The following HPSE2 variants were observed in gnomAD, a reference collection of about 807,000 sequenced individuals.
HPSE2 encodes the protein inactive heparanase-2.
Under a neutral mutation model 60.5 loss-of-function variants are expected in HPSE2, and 38 were observed. The observed-to-expected ratio is 0.63, with a 90% CI of 0.48 to 0.82. The LOEUF (loss-of-function observed/expected upper bound fraction) is 0.82, where lower values mean the gene tolerates loss of function less well. Among genes scored for constraint, HPSE2 ranks in the 40% least tolerant of loss-of-function variants. HPSE2 has a pLI of 0.00. For missense variants in HPSE2, 713 were observed against 740.4 expected (o/e 0.96, Z 0.43); for synonymous variants, 295 against 293.2 (o/e 1.01, Z -0.06).
At chr10:99,000,749 CA>C (rs1956760017) in intron 3 of HPSE2, among the ~76,000 whole-genome samples, 3 of 151,498 alleles carry the variant, frequency 2.0e-5, no homozygotes, top group Admixed American at 2.0e-4. Context: ...CAGTAGAAGA[CA>C]AAAAAGGGGG....
the HPSE2 span, among the ~76,000 whole-genome samples, chr10:99,288,104 AGT>A: frequency 3.3e-5 from 5 of 152,306 alleles, no homozygotes; most frequent in Non-Finnish European, 5.9e-5. Flanking sequence ...ACATGATGAG[AGT>A]GAGAGTGAAG....
chr10:98,945,484 G>T (rs1312599286), intron 3 of HPSE2, among the ~76,000 whole-genome samples: 2 of 152,004 alleles, frequency 1.3e-5, no homozygotes, highest in South Asian at 2.1e-4. Flanking sequence ...CAATAAAGAG[G>T]AAATGCAGTA....
At chr10:99,001,536 C>G (rs1368369462) in intron 3 of HPSE2, among the ~76,000 whole-genome samples, 1 of 152,002 alleles carries the variant, frequency 6.6e-6, no homozygotes, top group Admixed American at 6.6e-5. Context: ...TTACTTTAGT[C>G]CAGGTTAGTA....
chr10:98,509,713 G>C (rs770362430), intron 9 of HPSE2, among the ~76,000 whole-genome samples: 118 of 152,028 alleles, frequency 7.8e-4, no homozygotes, highest in Non-Finnish European at 1.2e-3. Context: ...TCTTGGCCAG[G>C]CTGGTCTCGA....
chr10:99,145,872 C>G (rs1846035062), intron 2 of HPSE2, among the ~76,000 whole-genome samples: 1 of 152,126 alleles, frequency 6.6e-6, no homozygotes, highest in Non-Finnish European at 1.5e-5. Context: ...AATACAAACC[C>G]ATGACTATGA....
intron 10 of HPSE2, among the ~76,000 whole-genome samples, chr10:98,483,012 G>T (rs1315809572): frequency 5.3e-5 from 8 of 152,070 alleles, no homozygotes; most frequent in African/African-American, 9.7e-5. Context: ...TTATTGCAAT[G>T]ATTTTAGAAA....
chr10:98,462,992 G>A (rs1004587835), intron 11 of HPSE2, among the ~76,000 whole-genome samples: 31 of 148,594 alleles, frequency 2.1e-4, no homozygotes, highest in African/African-American at 7.2e-4. Context: ...TGATGGTACC[G>A]CCATTTATCC....
chr10:99,070,746 G>A (rs1195462465), intron 3 of HPSE2, among the ~76,000 whole-genome samples: 1 of 152,098 alleles, frequency 6.6e-6, no homozygotes, highest in Admixed American at 6.5e-5. Context: ...TGTACATGTG[G>A]AATAATACAG....
At chr10:98,932,165 G>C (rs1413028576) in intron 3 of HPSE2, among the ~76,000 whole-genome samples, 1 of 143,780 alleles carries the variant, frequency 7.0e-6, no homozygotes, top group East Asian at 2.0e-4. Context: ...TTTATTGAGA[G>C]TTTTTAACAT....
intron 6 of HPSE2, among the ~76,000 whole-genome samples, chr10:98,670,623 G>A (rs1947480704): frequency 1.3e-5 from 2 of 152,308 alleles, no homozygotes; most frequent in Non-Finnish European, 1.5e-5. Flanking sequence ...GCAGCCCGGC[G>A]CCAGGCCCAA....
At chr10:98,661,470 G>A (rs1461180160) in intron 6 of HPSE2, among the ~76,000 whole-genome samples, 2 of 152,150 alleles carry the variant, frequency 1.3e-5, no homozygotes, top group Non-Finnish European at 2.9e-5. Context: ...CTCCTTGGAG[G>A]CAAGCAACAA....
At chr10:99,016,930 G>C (rs898323939) in intron 3 of HPSE2, among the ~76,000 whole-genome samples, 2 of 152,084 alleles carry the variant, frequency 1.3e-5, no homozygotes, top group Admixed American at 1.3e-4. Context: ...AAGCTTTTGG[G>C]CTGAGACTGG....
chr10:98,983,723 C>G (rs553622488), intron 3 of HPSE2, among the ~76,000 whole-genome samples: 6 of 152,296 alleles, frequency 3.9e-5, no homozygotes, highest in Admixed American at 3.9e-4. Context: ...TGCAAGGGGT[C>G]AGGGAATTCC....
At position 99,071,121 on chromosome 10, in the gene HPSE2, G is replaced by A. The variant is rs559130339; in HGVS notation, c.610+73117C>T. On this transcript the variant is annotated intron_variant, in intron 3 of 11. Transcript: ENST00000370552. ...TCTCACTCTTGTCACCCAGGCTGAA[G>A]TGCAGAGGCATGATCTCGGCTCACT... is the stretch of plus-strand genomic sequence containing the variant. Among the ~76,000 whole-genome samples, 18 of 147,564 alleles carry A rather than the reference G, an allele frequency of 1.2e-4. No individual in the cohort carries two copies. The South Asian group carries it at 3.6e-3, about 30-fold the overall frequency.
intron 6 of HPSE2, among the ~76,000 whole-genome samples, chr10:98,670,845 A>G (rs1190700221): frequency 6.6e-6 from 1 of 152,180 alleles, no homozygotes; most frequent in Non-Finnish European, 1.5e-5. Context: ...TGAAATCTTT[A>G]GTGTTGTGAG....
the HPSE2 span, among the ~76,000 whole-genome samples, chr10:99,253,757 A>G: frequency 6.5e-3 from 990 of 152,242 alleles, 10 homozygotes; most frequent in African/African-American, 0.022. Flanking sequence ...AAACAACTGA[A>G]CAAGCAAAAA....
chr10:98,607,572 G>A (rs975396466), intron 9 of HPSE2, among the ~76,000 whole-genome samples: 2 of 152,134 alleles, frequency 1.3e-5, no homozygotes, highest in South Asian at 2.1e-4. Context: ...CATCTTCTCC[G>A]GAGGGAAATA....
At chr10:98,833,858 A>C (rs1366021390) in intron 3 of HPSE2, among the ~76,000 whole-genome samples, 1 of 152,150 alleles carries the variant, frequency 6.6e-6, no homozygotes, top group Non-Finnish European at 1.5e-5. Flanking sequence ...ACCCTGCCAA[A>C]AATGAGCTTA....
At position 99,191,237 on chromosome 10, in the gene HPSE2, G is replaced by T. The variant is rs543444454; in HGVS notation, c.448+41111C>A. On this transcript the variant is annotated intron_variant, in intron 2 of 11. Transcript: ENST00000370552. ...GAATGCAAGGAAACAAGCCTGGCTG[G>T]CTTCACCACTGCTGACTGTAGACCC... Among the ~76,000 whole-genome samples, 9 of 152,036 alleles carry T rather than the reference G, an allele frequency of 5.9e-5. No individual in the cohort carries two copies. The East Asian group carries it at 1.6e-3, about 26-fold the overall frequency.
Sources: gnomAD v4.1 joint callset for allele counts (sites outside exome capture counted in the v4.1 genomes callset) on GRCh38, gnomAD v4.1.1 for gene constraint, MANE v1.5 for transcripts, NCBI Gene and HGNC (gene_info 2026-07-23, HGNC 2026-07-21) for gene names.